Variants in CACNB4 observed in about 807,000 individuals in gnomAD.
CACNB4 encodes calcium voltage-gated channel auxiliary subunit beta 4.
CACNB4 carries 32 observed loss-of-function variants against 71.2 expected under a neutral mutation model. That is an observed-to-expected ratio of 0.45 (90% CI 0.34 to 0.60). The LOEUF is 0.60. CACNB4 is among the 20% of genes least tolerant of loss of function. The probability of loss-of-function intolerance (pLI) is 0.01; values close to 1 mark genes in which losing one functional copy is unlikely to be tolerated. For missense variants in CACNB4, 464 were observed against 647.9 expected (o/e 0.72, Z 3.08); for synonymous variants, 231 against 236.9 (o/e 0.97, Z 0.23).
chr2:152,022,966 T>C (rs1683755099), intron 2 of CACNB4, among the ~76,000 whole-genome samples: 1 of 152,184 alleles, frequency 6.6e-6, no homozygotes, highest in Non-Finnish European at 1.5e-5. Flanking sequence ...TACAAAGACA[T>C]ACCCAAGACT....
At chr2:151,997,991 G>A (rs886631297) in intron 2 of CACNB4, among the ~76,000 whole-genome samples, 1 of 152,050 alleles carries the variant, frequency 6.6e-6, no homozygotes, top group African/African-American at 2.4e-5. Flanking sequence ...TACAGATCCC[G>A]AAGTCTACTC....
intron 2 of CACNB4, among the ~76,000 whole-genome samples, chr2:152,040,721 G>A (rs1684832366): frequency 2.0e-5 from 3 of 152,192 alleles, no homozygotes; most frequent in East Asian, 1.9e-4. Flanking sequence ...GATTACAGGC[G>A]TGAGCCACCG....
intron 2 of CACNB4, among the ~76,000 whole-genome samples, chr2:151,928,022 G>C (rs1424065683): frequency 1.3e-5 from 2 of 152,200 alleles, no homozygotes; most frequent in African/African-American, 4.8e-5. Context: ...GCTGGAGCTG[G>C]GTATGAGGCA....
intron 2 of CACNB4, among the ~76,000 whole-genome samples, chr2:151,923,051 T>A (rs1221352470): frequency 6.6e-6 from 1 of 152,242 alleles, no homozygotes; most frequent in African/African-American, 2.4e-5. Context: ...GCTGGGCTCA[T>A]TGCGGACTTG....
chr2:151,905,743 A>C (rs1316779333), intron 2 of CACNB4, among the ~76,000 whole-genome samples: 1 of 152,254 alleles, frequency 6.6e-6, no homozygotes, highest in South Asian at 2.1e-4. Context: ...TGACAGCTAA[A>C]GAGATCAACC....
intron 2 of CACNB4, among the ~76,000 whole-genome samples, chr2:151,915,387 G>A (rs934240925): frequency 2.6e-5 from 4 of 152,210 alleles, no homozygotes; most frequent in Admixed American, 2.6e-4. Context: ...CCCCCGCCCA[G>A]GGAGCTCAGC....
chr2:152,098,091 T>G lies in CACNB4; in HGVS notation c.147+239A>C, dbSNP rs1238074504. 3.3e-5 allele frequency among the ~76,000 whole-genome samples: 5 copies of G among 152,248 alleles called. No homozygotes were observed. Among genetic ancestry groups the G allele is most frequent in the African/African-American group, 7.2e-5 (3 of 41,460 alleles). ...GACTTAAGCCAGGTCCCCACCGAAC[T>G]GTCCACACACATGCACAAACTAACT... On this transcript the variant is annotated intron_variant, in intron 2 of 13. Coordinates refer to ENST00000539935, the MANE Select transcript of CACNB4 (RefSeq NM_000726.5). This position sits in a 1 kb window ranked among gnomAD's most constrained non-coding sequence, Gnocchi z 5.3.
chr2:152,050,227 A>T (rs1685351984), intron 2 of CACNB4, among the ~76,000 whole-genome samples: 1 of 152,214 alleles, frequency 6.6e-6, no homozygotes, highest in Admixed American at 6.5e-5. Flanking sequence ...CCCACACACA[A>T]TTCAGCCCTC....
intron 6 of CACNB4, chr2:151,871,097 C>T (rs2099844500): frequency 1.8e-6 from 1 of 547,160 alleles, no homozygotes; most frequent in Non-Finnish European, 3.2e-6. Flanking sequence ...CCTGATTTCT[C>T]ACTGGGTGGG....
chr2:152,065,449 G>C (rs1361674850), intron 2 of CACNB4, among the ~76,000 whole-genome samples: 2 of 151,952 alleles, frequency 1.3e-5, no homozygotes, highest in African/African-American at 4.8e-5. Context: ...CTTCACTTAG[G>C]GCTTGGTTAG....
intron 2 of CACNB4, among the ~76,000 whole-genome samples, chr2:152,012,594 G>A (rs6760413): frequency 0.99 from 145,004 of 146,930 alleles, 71,593 homozygotes; most frequent in Middle Eastern, 1. Flanking sequence ...ACAGAGCGAC[G>A]CTCCATCTCA....
intron 2 of CACNB4, among the ~76,000 whole-genome samples, chr2:151,986,389 T>C (rs899731659): frequency 7.9e-5 from 12 of 152,198 alleles, no homozygotes; most frequent in Admixed American, 1.3e-4. Flanking sequence ...CTGTCTGTAT[T>C]TTATGGGTCA....
At chr2:151,946,329 C>CAA (rs553499003) in intron 2 of CACNB4, among the ~76,000 whole-genome samples, 21 of 132,532 alleles carry the variant, frequency 1.6e-4, no homozygotes, top group East Asian at 1.3e-3. Flanking sequence ...AACTCTGTCG[C>CAA]AAAAAAAAAA....
intron 11 of CACNB4, 144 bp from the exon 12 acceptor site, chr2:151,853,687 A>G: frequency 1.8e-6 from 1 of 553,570 alleles, no homozygotes; most frequent in Non-Finnish European, 3.1e-6. Context: ...TTAAACCTGT[A>G]ATGATGTCAT....
chr2:151,971,428 T>C (rs2099872522), intron 2 of CACNB4: 1 of 695,628 alleles, frequency 1.4e-6, no homozygotes, highest in Admixed American at 2.0e-5. Flanking sequence ...GTACTCAGCT[T>C]TTAGTGCCTA....
intron 12 of CACNB4, among the ~76,000 whole-genome samples, chr2:151,843,446 C>T (rs952336164): frequency 5.3e-5 from 8 of 152,206 alleles, no homozygotes; most frequent in African/African-American, 1.9e-4. Flanking sequence ...TCCTGAGTAG[C>T]TGGGACCACA....
intron 4 of CACNB4, chr2:151,879,886 T>C (rs1294770442): frequency 6.6e-6 from 1 of 152,218 alleles, no homozygotes; most frequent in Non-Finnish European, 1.5e-5. Context: ...TGAGTGTGCA[T>C]GTCACATGTA....
At chr2:152,093,930 C>T (rs1207735548) in intron 2 of CACNB4, among the ~76,000 whole-genome samples, 2 of 152,196 alleles carry the variant, frequency 1.3e-5, no homozygotes, top group African/African-American at 4.8e-5. Context: ...GGAGCAGAAC[C>T]TCATGCCTAA....
chr2:151,959,162 T>G (rs926034092), intron 2 of CACNB4, among the ~76,000 whole-genome samples: 1 of 152,230 alleles, frequency 6.6e-6, no homozygotes, highest in Non-Finnish European at 1.5e-5. Flanking sequence ...ACACTTTTTA[T>G]ACTTCTAAAG....
Sources: gnomAD v4.1 joint callset for allele counts (sites outside exome capture counted in the v4.1 genomes callset) on GRCh38, gnomAD v4.1.1 for gene constraint, Gnocchi (gnomAD v3.1) non-coding constraint, MANE v1.5 for transcripts, NCBI Gene and HGNC (gene_info 2026-07-23, HGNC 2026-07-21) for gene names.